RAPGEF1: variants seen among roughly 807,000 people sequenced by gnomAD.
RAPGEF1 encodes the protein Rap guanine nucleotide exchange factor 1.
RAPGEF1 carries 33 observed loss-of-function variants against 143.3 expected under a neutral mutation model. That is an observed-to-expected ratio of 0.23 (90% CI 0.17 to 0.31). The LOEUF (loss-of-function observed/expected upper bound fraction) is 0.31. Among genes scored for constraint, RAPGEF1 ranks in the 10% least tolerant of loss-of-function variants. The pLI, the probability that RAPGEF1 is intolerant of heterozygous loss-of-function variation, is 1.00. For synonymous variants in RAPGEF1, 629 were observed against 676.5 expected (o/e 0.93, Z 1.09); for missense variants, 1,199 against 1,645.4 (o/e 0.73, Z 4.69).
chr9:131,662,382 C>A (rs1974366694), intron 1 of RAPGEF1, among the ~76,000 whole-genome samples: 1 of 152,086 alleles, frequency 6.6e-6, no homozygotes, highest in African/African-American at 2.4e-5. Context: ...TCATTTTCCC[C>A]CAACATTTTA....
chr9:131,693,699 C>A (rs1420330969), intron 1 of RAPGEF1, among the ~76,000 whole-genome samples: 2 of 152,146 alleles, frequency 1.3e-5, no homozygotes, highest in East Asian at 3.9e-4. Flanking sequence ...CAATTCAGGT[C>A]TTTACATTGT....
rs1970874051 is a variant in RAPGEF1 at position 131,650,750 on chromosome 9, G to A, written c.201+60C>T. On this transcript the variant is annotated intron_variant, in intron 2 of 26. Transcript: ENST00000683357. This position sits in a 1 kb window ranked among gnomAD's most constrained non-coding sequence, Gnocchi z 4.7. ...TCCCCAGGGAGGGAACATACAAATC[G>A]CACAAACTCATATTGCTGGAAGCAG... is the stretch of plus-strand genomic sequence containing the variant. The A allele has an allele frequency of 6.3e-6, 10 of 1,585,632 alleles. No individual in the cohort carries two copies. The highest frequency in any genetic ancestry group is 2.3e-5 in the South Asian group (2 of 87,038).
At chr9:131,594,564 G>C (rs994500708) in intron 17 of RAPGEF1, among the ~76,000 whole-genome samples, 5 of 152,222 alleles carry the variant, frequency 3.3e-5, no homozygotes, top group Non-Finnish European at 7.3e-5. Flanking sequence ...TGCTGGTGCA[G>C]TCTCTGGCTT....
intron 12 of RAPGEF1, among the ~76,000 whole-genome samples, chr9:131,614,408 CCTT>C (rs1299240103): frequency 6.6e-6 from 1 of 152,252 alleles, no homozygotes; most frequent in Admixed American, 6.5e-5. Flanking sequence ...TCCTCTCCTC[CCTT>C]CTTCTCTCCT....
intron 1 of RAPGEF1, among the ~76,000 whole-genome samples, chr9:131,652,719 C>T (rs950896074): frequency 2.0e-5 from 3 of 152,136 alleles, no homozygotes; most frequent in East Asian, 1.9e-4. Flanking sequence ...TCTTTTATAA[C>T]ACCTCCTGAA....
intron 16 of RAPGEF1, 142 bp from the exon 17 acceptor site, chr9:131,596,515 G>A: frequency 2.4e-6 from 2 of 848,712 alleles, no homozygotes; most frequent in Non-Finnish European, 3.8e-6. Flanking sequence ...CGGCCCAGGA[G>A]CAGTGTGGCT....
At chr9:131,643,472 T>A in intron 3 of RAPGEF1, 55 bp from the exon 4 acceptor site, 1 of 1,497,932 alleles carries the variant, frequency 6.7e-7, no homozygotes, top group East Asian at 2.3e-5. Context: ...GGAGCTATTT[T>A]GAAAAAATAA....
chr9:131,597,618 C>G (rs981658279), intron 16 of RAPGEF1, among the ~76,000 whole-genome samples: 2 of 152,222 alleles, frequency 1.3e-5, no homozygotes, highest in Non-Finnish European at 2.9e-5. Flanking sequence ...ACTCTCTGTC[C>G]TGCTTCCTCT....
At chr9:131,651,186 G>T (rs941207216) in intron 1 of RAPGEF1, among the ~76,000 whole-genome samples, 1 of 152,186 alleles carries the variant, frequency 6.6e-6, no homozygotes, top group African/African-American at 2.4e-5. Flanking sequence ...TATGGAAAAA[G>T]AACTTGCAAA....
rs74715874 is a variant in RAPGEF1 at position 131,592,192 on chromosome 9, A to G, written c.2690-9T>C. 1 of 48,712 alleles carries G rather than the reference A, an allele frequency of 2.1e-5. No individual in the cohort carries two copies. Among genetic ancestry groups the G allele is most frequent in the African/African-American group, 2.1e-4 (1 of 4,710 alleles). The allele number at this position is 48,712 out of a possible 1,614,324, so 3.0% of individuals were successfully genotyped here. On this transcript the variant is annotated splice_polypyrimidine_tract_variant and intron_variant, in intron 17 of 26. Transcript: ENST00000683357. ...GCAGTACAACACCAAATCTAGAGGG[A>G]AAAAACAATGCAAACTGCTTGTCTG...
At position 131,587,689 on chromosome 9, in the gene RAPGEF1, C is replaced by T. The variant is rs191806735; in HGVS notation, c.3233+47G>A. The T allele has an allele frequency of 1.3e-4, 195 of 1,559,974 alleles. No homozygotes were observed. The African/African-American group carries it at 2.1e-3, about 17-fold the overall frequency. On this transcript the variant is annotated intron_variant, in intron 22 of 26. Transcript: ENST00000683357. ...AAGGAAAACGCAGAGCCCACCCAGA[C>T]GTGCCACCATCCAGAGCAACAGGGC...
intron 12 of RAPGEF1, among the ~76,000 whole-genome samples, chr9:131,612,215 A>G (rs1337207838): frequency 6.6e-6 from 1 of 152,188 alleles, no homozygotes. Flanking sequence ...ACTTTATCTT[A>G]AAACTTCTCC....
rs918776021 is a variant in RAPGEF1, at chr9:131,583,348, T to C, written c.3415-646A>G. ...GAATTTCCCACCTCTCCCCATACAC[T>C]AGCTTACAACCATCCCTGAACATGG... On this transcript the variant is annotated intron_variant, in intron 24 of 26. Transcript: ENST00000683357. This position sits in a 1 kb window ranked among gnomAD's most constrained non-coding sequence, Gnocchi z 4.7. Among the ~76,000 whole-genome samples, 2 of 152,070 alleles carry C rather than the reference T, an allele frequency of 1.3e-5. No homozygotes were observed. Among genetic ancestry groups the C allele is most frequent in the African/African-American group, 4.8e-5 (2 of 41,408 alleles).
At position 131,580,169 on chromosome 9, in the gene RAPGEF1, T is replaced by C; in HGVS notation, c.3641+94A>G. 4 of 1,511,412 alleles carry C rather than the reference T, an allele frequency of 2.6e-6. No homozygotes were observed. In the South Asian group the frequency reaches 4.8e-5, roughly 18 times the overall value. 93.6% of individuals were successfully genotyped at this position (1,511,412 alleles called of 1,614,324 possible). ...CAGTGGCAGGTCCCTGGGTCCTCTG[T>C]GGCTCCCCCTCCCCTCGGTGTCCCG... On this transcript the variant is annotated intron_variant, in intron 26 of 26. Transcript: ENST00000683357.
intron 1 of RAPGEF1, among the ~76,000 whole-genome samples, chr9:131,718,440 G>GGA (rs1338801563): frequency 6.6e-6 from 1 of 152,230 alleles, no homozygotes; most frequent in East Asian, 1.9e-4. Flanking sequence ...CTGTGAGTTG[G>GGA]GAGAAGAAAC....
intron 1 of RAPGEF1, among the ~76,000 whole-genome samples, chr9:131,670,105 C>T (rs538641453): frequency 7.9e-5 from 12 of 152,204 alleles, no homozygotes; most frequent in African/African-American, 2.4e-4. Flanking sequence ...AGAGTGAGGC[C>T]GAGGAGTAAG....
intron 15 of RAPGEF1, among the ~76,000 whole-genome samples, chr9:131,600,181 T>A (rs879697974): frequency 6.6e-6 from 1 of 152,060 alleles, no homozygotes; most frequent in Non-Finnish European, 1.5e-5. Flanking sequence ...CCCTGCCCAG[T>A]CTCGAGAAAA....
At chr9:131,671,091 G>A (rs1467030021) in intron 1 of RAPGEF1, among the ~76,000 whole-genome samples, 1 of 152,140 alleles carries the variant, frequency 6.6e-6, no homozygotes, top group Non-Finnish European at 1.5e-5. Flanking sequence ...ATGCCCCTAG[G>A]AAAAACCAGG....
chr9:131,733,234 G>A (rs933769232), intron 1 of RAPGEF1, among the ~76,000 whole-genome samples: 2 of 151,974 alleles, frequency 1.3e-5, no homozygotes, highest in South Asian at 2.1e-4. Flanking sequence ...TCACGCATGC[G>A]GGGCTTCAAA....
Sources: allele counts gnomAD v4.1 joint callset (sites outside exome capture counted in the v4.1 genomes callset), GRCh38; gene constraint gnomAD v4.1.1; non-coding constraint Gnocchi (gnomAD v3.1); transcripts MANE v1.5; gene names NCBI Gene and HGNC (gene_info 2026-07-23, HGNC 2026-07-21).